The following CSMD1 variants were observed in gnomAD, a reference collection of about 807,000 sequenced individuals.
CSMD1 encodes CUB and sushi domain-containing protein 1.
Under a neutral mutation model 417.5 loss-of-function variants are expected in CSMD1, and 213 were observed. The observed-to-expected ratio is 0.51, with a 90% CI of 0.46 to 0.57. The LOEUF (loss-of-function observed/expected upper bound fraction) is 0.57, where lower values mean the gene tolerates loss of function less well. CSMD1 is among the 20% of genes least tolerant of loss of function. The pLI, the probability that CSMD1 is intolerant of heterozygous loss-of-function variation, is 0.00. For missense variants in CSMD1, 6,923 were observed against 4,529.7 expected (o/e 1.53, Z -15.17); for synonymous variants, 2,862 against 1,736.8 (o/e 1.65, Z -16.11).
intron 4 of CSMD1, among the ~76,000 whole-genome samples, chr8:4,018,384 CTT>C (rs1397637230): frequency 2.6e-5 from 4 of 152,172 alleles, no homozygotes; most frequent in Non-Finnish European, 5.9e-5. Flanking sequence ...ATCTTTCTCT[CTT>C]GGCAACTTCC....
chr8:3,302,792 G>C (rs937556158), intron 25 of CSMD1, among the ~76,000 whole-genome samples: 25 of 152,318 alleles, frequency 1.6e-4, no homozygotes, highest in African/African-American at 5.8e-4. Context: ...CACAGTTTAT[G>C]TACCATGGCA....
At chr8:4,075,410 A>G (rs1475937728) in intron 3 of CSMD1, among the ~76,000 whole-genome samples, 2 of 152,316 alleles carry the variant, frequency 1.3e-5, no homozygotes, top group African/African-American at 2.4e-5. Context: ...GTTATTTTTA[A>G]TATCAAAATA....
intron 5 of CSMD1, among the ~76,000 whole-genome samples, chr8:3,927,205 C>T (rs1024522624): frequency 4.0e-5 from 6 of 151,802 alleles, no homozygotes; most frequent in Non-Finnish European, 7.4e-5. Context: ...CTAACAGCTT[C>T]TAATAAATAA....
At chr8:4,920,908 AAAGAAAAGAAAAGAAAAGAAAG>A (rs1806414554) in intron 1 of CSMD1, among the ~76,000 whole-genome samples, 1 of 59,112 alleles carries the variant, frequency 1.7e-5, no homozygotes, top group African/African-American at 4.9e-5. Flanking sequence ...AAAGAAAAGA[AAAGAAAAGAAAAGAAAAGAAAG>A]AGAGAAAGAA....
intron 3 of CSMD1, among the ~76,000 whole-genome samples, chr8:4,102,807 G>C (rs933918308): frequency 3.9e-5 from 6 of 152,184 alleles, no homozygotes; most frequent in South Asian, 2.1e-4. Context: ...TTCAGCAGTT[G>C]TGTGCAGCCC....
intron 26 of CSMD1, among the ~76,000 whole-genome samples, chr8:3,250,737 T>C (rs570642763): frequency 1.3e-5 from 2 of 152,222 alleles, no homozygotes; most frequent in East Asian, 3.9e-4. Flanking sequence ...CCTGACTTTT[T>C]AATGGTTGAT....
At chr8:3,879,910 A>T (rs1316173661) in intron 5 of CSMD1, among the ~76,000 whole-genome samples, 1 of 152,000 alleles carries the variant, frequency 6.6e-6, no homozygotes, top group Admixed American at 6.6e-5. Context: ...ATCCCCTATA[A>T]CGAAATAGTG....
At chr8:2,951,406 A>G in intron 65 of CSMD1, 131 bp from the exon 66 acceptor site, 1 of 904,380 alleles carries the variant, frequency 1.1e-6, no homozygotes, top group Non-Finnish European at 1.6e-6. Flanking sequence ...AGACAAGAGG[A>G]GCCTAGTGCA....
At chr8:3,120,556 G>A (rs2045641) in intron 41 of CSMD1, among the ~76,000 whole-genome samples, 56,915 of 151,922 alleles carry the variant, frequency 0.37, 14,906 homozygotes, top group African/African-American at 0.74. Flanking sequence ...TCTTTAAAAT[G>A]ACAATGTGCA....
intron 1 of CSMD1, among the ~76,000 whole-genome samples, chr8:4,950,576 T>C (rs953444992): frequency 5.0e-4 from 76 of 152,306 alleles, no homozygotes; most frequent in African/African-American, 1.8e-3. Context: ...TAAATTTAGT[T>C]TCTATGTAAA....
intron 5 of CSMD1, among the ~76,000 whole-genome samples, chr8:3,774,019 C>T (rs953877622): frequency 6.6e-6 from 1 of 152,164 alleles, no homozygotes; most frequent in African/African-American, 2.4e-5. Context: ...AGTTGCTGCG[C>T]TATCCTACCT....
At chr8:4,032,746 T>C (rs906534897) in intron 3 of CSMD1, among the ~76,000 whole-genome samples, 1 of 152,156 alleles carries the variant, frequency 6.6e-6, no homozygotes, top group African/African-American at 2.4e-5. Flanking sequence ...CAGTGCTAAG[T>C]TTTGACAACA....
chr8:3,612,612 T>C (rs1160656333), intron 8 of CSMD1, among the ~76,000 whole-genome samples: 7 of 152,132 alleles, frequency 4.6e-5, no homozygotes, highest in Admixed American at 1.3e-4. Context: ...GCATAATCTC[T>C]AACCATGCAG....
chr8:3,939,717 G>A (rs1336258633), intron 5 of CSMD1, among the ~76,000 whole-genome samples: 2 of 152,106 alleles, frequency 1.3e-5, no homozygotes, highest in Non-Finnish European at 2.9e-5. Context: ...GCCTTTTGCA[G>A]CAACTTGGAT....
chr8:2,969,263 A>T (rs1804229702), intron 57 of CSMD1, among the ~76,000 whole-genome samples: 2 of 152,100 alleles, frequency 1.3e-5, no homozygotes, highest in African/African-American at 4.8e-5. Context: ...CATCATCATC[A>T]CTCTTACTTA....
intron 3 of CSMD1, among the ~76,000 whole-genome samples, chr8:4,360,269 G>A (rs1801675628): frequency 6.6e-6 from 1 of 152,098 alleles, no homozygotes; most frequent in Non-Finnish European, 1.5e-5. Flanking sequence ...CTACCTCCCT[G>A]AATTTGCTTT....
intron 12 of CSMD1, among the ~76,000 whole-genome samples, chr8:3,458,446 T>G (rs534787186): frequency 2.2e-4 from 33 of 152,330 alleles, no homozygotes; most frequent in Admixed American, 2.0e-3. Flanking sequence ...AAGTTAAGAC[T>G]GTCCTGAATG....
chr8:3,314,580 C>G (rs1237569531), intron 23 of CSMD1, among the ~76,000 whole-genome samples: 2 of 152,142 alleles, frequency 1.3e-5, no homozygotes, highest in East Asian at 3.8e-4. Flanking sequence ...TTTAGTAATT[C>G]TATTTCTTTG....
intron 7 of CSMD1, among the ~76,000 whole-genome samples, chr8:3,703,436 T>TTCATTCA (rs1800984313): frequency 6.7e-6 from 1 of 149,812 alleles, no homozygotes; most frequent in Non-Finnish European, 1.5e-5. Context: ...CTTTCTCCCT[T>TTCATTCA]TTCATTCATT....
Sources: gnomAD v4.1 joint callset for allele counts (sites outside exome capture counted in the v4.1 genomes callset) on GRCh38, gnomAD v4.1.1 for gene constraint, MANE v1.5 for transcripts, NCBI Gene and HGNC (gene_info 2026-07-23, HGNC 2026-07-21) for gene names.